C5orf58: variants seen among roughly 807,000 people sequenced by gnomAD.
C5orf58 encodes putative uncharacterized protein C5orf58.
In C5orf58, 2 loss-of-function variants were observed where a neutral mutation model predicts 2.9. The observed-to-expected ratio is 0.69, with a 90% CI of 0.28 to 2.18. The LOEUF (loss-of-function observed/expected upper bound fraction) is 2.18, where lower values mean the gene tolerates loss of function less well. Ranked by LOEUF, C5orf58 falls within the 30% of genes most tolerant of loss-of-function variation. C5orf58 has a pLI of 0.13. For synonymous variants in C5orf58, 37 were observed against 33.4 expected, an observed-to-expected ratio of 1.11 and a Z score of -0.37; for missense variants, 96 against 91.7, an observed-to-expected ratio of 1.05 and a Z score of -0.19.
Position 170,245,853 on chromosome 5 carries a change from A to C in C5orf58, c.95-109A>C, listed in dbSNP as rs115050502. ...GACACACTTAAGTTGTGGTTTGATC[A>C]CTAATCACTTGGAAATTAGGAATTA... On this transcript the variant is annotated intron_variant, in intron 3 of 3. Coordinates refer to ENST00000593851, the MANE Select transcript of C5orf58 (RefSeq NM_001102609.3). 9.6e-3 allele frequency: 10,469 copies of C among 1,095,978 alleles called. 293 individuals are homozygous for C. Among genetic ancestry groups the C allele is most frequent in the African/African-American group, 0.086 (5,461 of 63,832 alleles). 67.9% of individuals were successfully genotyped at this position (1,095,978 alleles called of 1,614,324 possible).
chr5:170,251,755 G>C, exon 3 of C5orf58: 1 of 432,002 alleles, frequency 2.3e-6, no homozygotes, highest in Admixed American at 2.4e-5. Flanking sequence ...AAGACTCCCA[G>C]AGCTGACACA....
downstream of C5orf58, chr5:170,250,808 A>G (rs780187792): frequency 1.2e-6 from 2 of 1,611,854 alleles, no homozygotes; most frequent in Non-Finnish European, 1.7e-6. Context: ...TGTAAACTTT[A>G]TCTTTGTACA....
chr5:170,242,478 G>T (rs1184656658), intron 3 of C5orf58, among the ~76,000 whole-genome samples: 1 of 127,702 alleles, frequency 7.8e-6, no homozygotes, highest in African/African-American at 3.1e-5. Flanking sequence ...TCTATTCAGA[G>T]ATTCAACTTC....
downstream of C5orf58, chr5:170,248,664 AG>A (rs1761354063): frequency 1.2e-6 from 2 of 1,604,004 alleles, no homozygotes; most frequent in Non-Finnish European, 1.7e-6. Flanking sequence ...CAACAGAGGC[AG>A]GAGGACGGTT....
At chr5:170,250,902 C>T (rs1264979022), downstream of C5orf58, 1 of 1,610,494 alleles carries the variant, frequency 6.2e-7, no homozygotes, top group South Asian at 1.1e-5. Context: ...AGACAAATTC[C>T]TGTTATTATG....
chr5:170,245,920 A>G, intron 3 of C5orf58, 42 bp from the exon 4 acceptor site: 1 of 1,566,186 alleles, frequency 6.4e-7, no homozygotes, highest in Non-Finnish European at 8.7e-7. Context: ...TTTTTATGAC[A>G]TATGTGCTAC....
chr5:170,248,836 AG>A, downstream of C5orf58: 1 of 1,610,858 alleles, frequency 6.2e-7, no homozygotes, highest in Non-Finnish European at 8.5e-7. Context: ...GAGTCAAGAT[AG>A]GGAGATGAGT....
At chr5:170,250,699 T>C (rs1248496046), downstream of C5orf58, 3 of 1,593,840 alleles carry the variant, frequency 1.9e-6, no homozygotes, top group East Asian at 2.2e-5. Context: ...AATAAAGACT[T>C]TGGGAAAATG....
intron 1 of C5orf58, chr5:170,233,808 A>C: frequency 6.3e-6 from 2 of 315,856 alleles, no homozygotes; most frequent in Non-Finnish European, 1.2e-5. Context: ...GTAGCACCCC[A>C]CTGTGCCCTC....
chr5:170,241,985 G>A (rs1338364118), intron 3 of C5orf58, among the ~76,000 whole-genome samples: 2 of 149,278 alleles, frequency 1.3e-5, no homozygotes, highest in East Asian at 4.0e-4. Flanking sequence ...TTTTTAGCAT[G>A]AAGGGTTGTT....
At chr5:170,251,838 C>G in exon 3 of C5orf58, 2 of 320,568 alleles carry the variant, frequency 6.2e-6, no homozygotes, top group South Asian at 4.8e-5. Flanking sequence ...TCCGGGTGAT[C>G]TAAATGTGCA....
chr5:170,237,009 G>T (rs1396768770), intron 3 of C5orf58, among the ~76,000 whole-genome samples: 1 of 152,120 alleles, frequency 6.6e-6, no homozygotes, highest in African/African-American at 2.4e-5. Flanking sequence ...AATGGTTCTG[G>T]ATGCTTGAAC....
At chr5:170,241,761 C>G (rs1458930904) in intron 3 of C5orf58, among the ~76,000 whole-genome samples, 1 of 144,748 alleles carries the variant, frequency 6.9e-6, no homozygotes, top group Non-Finnish European at 1.5e-5. Flanking sequence ...TAATTGAATA[C>G]CCTTTATTTC....
At chr5:170,249,380 A>C (rs112648522), downstream of C5orf58, among the ~76,000 whole-genome samples, 75 of 148,002 alleles carry the variant, frequency 5.1e-4, 2 homozygotes, top group African/African-American at 1.3e-3. Flanking sequence ...ATATATATAT[A>C]TCTACATATC....
downstream of C5orf58, chr5:170,252,243 T>C (rs1761460946): frequency 1.7e-5 from 7 of 403,660 alleles, no homozygotes; most frequent in Non-Finnish European, 3.2e-5. Context: ...AGCCTAATGA[T>C]TCCCGAGCCT....
At chr5:170,244,303 T>G in intron 3 of C5orf58, among the ~76,000 whole-genome samples, 1 of 150,482 alleles carries the variant, frequency 6.6e-6, no homozygotes, top group Non-Finnish European at 1.5e-5. Flanking sequence ...TTCTCTGTAT[T>G]TCCTGAATCT....
chr5:170,249,318 A>C (rs1761371704), downstream of C5orf58, among the ~76,000 whole-genome samples: 4 of 151,366 alleles, frequency 2.6e-5, no homozygotes, highest in South Asian at 4.2e-4. Context: ...ACAAGAAGGA[A>C]ACTCCATCTC....
chr5:170,234,940 G>T, intron 2 of C5orf58, 37 bp from the exon 3 acceptor site: 1 of 947,628 alleles, frequency 1.1e-6, no homozygotes, highest in South Asian at 1.5e-5. Context: ...CATAAATACT[G>T]ATTTATACAT....
At chr5:170,235,544 G>A (rs1581034423) in intron 3 of C5orf58, among the ~76,000 whole-genome samples, 1 of 152,248 alleles carries the variant, frequency 6.6e-6, no homozygotes, top group African/African-American at 2.4e-5. Context: ...GACATATTCA[G>A]TTATTTTATC....
Sources: allele counts gnomAD v4.1 joint callset (sites outside exome capture counted in the v4.1 genomes callset), GRCh38; gene constraint gnomAD v4.1.1; transcripts MANE v1.5; gene names NCBI Gene and HGNC (gene_info 2026-07-23, HGNC 2026-07-21).